VPS53: variants seen among roughly 807,000 people sequenced by gnomAD.
VPS53 encodes the protein vacuolar protein sorting-associated protein 53 homolog.
VPS53 carries 70 observed loss-of-function variants against 107.0 expected under a neutral mutation model. That is an observed-to-expected ratio of 0.65 (90% CI 0.54 to 0.80). The LOEUF (loss-of-function observed/expected upper bound fraction) is 0.80, where lower values mean the gene tolerates loss of function less well. Among genes scored for constraint, VPS53 ranks in the 30% least tolerant of loss-of-function variants. The pLI is 0.00. For synonymous variants in VPS53, 409 were observed against 393.3 expected, an observed-to-expected ratio of 1.04 and a Z score of -0.47; for missense variants, 917 against 1,049.4, an observed-to-expected ratio of 0.87 and a Z score of 1.74.
chr17:712,574 C>A (rs1487733915), intron 1 of VPS53, among the ~76,000 whole-genome samples: 2 of 152,084 alleles, frequency 1.3e-5, no homozygotes, highest in Non-Finnish European at 2.9e-5. Context: ...CATCACTACT[C>A]TTTACAAGTA....
chr17:598,793 C>G (rs1597363101), intron 12 of VPS53, among the ~76,000 whole-genome samples: 3 of 115,966 alleles, frequency 2.6e-5, no homozygotes, highest in African/African-American at 6.2e-5. Context: ...AGTGAGGAGC[C>G]TCTCTGCCCG....
intron 5 of VPS53, among the ~76,000 whole-genome samples, chr17:656,320 G>C (rs142266640): frequency 2.4e-4 from 36 of 152,266 alleles, no homozygotes; most frequent in Admixed American, 5.9e-4. Flanking sequence ...TGATGAAGCC[G>C]CTGGGCCATA....
At chr17:625,475 TAAAAA>T in intron 10 of VPS53, among the ~76,000 whole-genome samples, 1 of 136,418 alleles carries the variant, frequency 7.3e-6, no homozygotes, top group African/African-American at 2.8e-5. Flanking sequence ...CCCCATCTCT[TAAAAA>T]AAAAAAAAAA....
intron 7 of VPS53, among the ~76,000 whole-genome samples, chr17:648,195 C>T (rs1567706553): frequency 6.6e-6 from 1 of 152,218 alleles, no homozygotes; most frequent in Non-Finnish European, 1.5e-5. Flanking sequence ...TCCCATTTCT[C>T]GCCCACGAGC....
chr17:542,226 C>T (rs1480740827), intron 17 of VPS53, among the ~76,000 whole-genome samples: 2 of 152,186 alleles, frequency 1.3e-5, no homozygotes, highest in Non-Finnish European at 2.9e-5. Context: ...TATTACTCCT[C>T]TTTGTGAGTA....
intron 7 of VPS53, among the ~76,000 whole-genome samples, chr17:644,935 T>C (rs1245457135): frequency 6.6e-6 from 1 of 152,210 alleles, no homozygotes; most frequent in Non-Finnish European, 1.5e-5. Context: ...CACAAAATTA[T>C]TGCAAATAGA....
At chr17:571,468 G>GCTCTCCCTCTCCCTCTCCTTCTCC (rs1914050498) in intron 13 of VPS53, among the ~76,000 whole-genome samples, 1 of 111,004 alleles carries the variant, frequency 9.0e-6, no homozygotes. Context: ...ACAACAATGG[G>GCTCTCCCTCTCCCTCTCCTTCTCC]CTCTCCCTCT....
intron 7 of VPS53, among the ~76,000 whole-genome samples, chr17:644,952 G>A (rs568083889): frequency 2.4e-4 from 37 of 152,284 alleles, no homozygotes; most frequent in South Asian, 4.1e-4. Flanking sequence ...TAGAGATTGC[G>A]AAATGAACTA....
At position 661,835 on chromosome 17, in the gene VPS53, C is replaced by A; in HGVS notation, c.346G>T (p.Asp116Tyr). The A allele has an allele frequency of 6.4e-7, 1 of 1,552,196 alleles. No individual in the cohort carries two copies. Among genetic ancestry groups the A allele is most frequent in the Non-Finnish European group, 8.7e-7 (1 of 1,147,074 alleles). ...ATTTGCTCTGATTTTTCAGCTTTGT[C>A]TTTGATATCTTTGATTTTGCCAAAG... ...QLFGKIKDIKDKAEKSEQMVK... is the reference protein window; with the variant it reads ...QLFGKIKDIKYKAEKSEQMVK... Residue 116 changes from aspartate to tyrosine, a missense_variant, in exon 5 of 22, where the codon GAC becomes TAC. Asp to Tyr is a radical substitution (Grantham distance 160). Coordinates refer to ENST00000437048, the MANE Select transcript of VPS53 (RefSeq NM_001128159.3).
At chr17:660,622 T>C (rs1261265468) in intron 5 of VPS53, among the ~76,000 whole-genome samples, 2 of 146,340 alleles carry the variant, frequency 1.4e-5, no homozygotes, top group African/African-American at 5.0e-5. Flanking sequence ...TGCTGCTGGG[T>C]GTGGTGCACC....
At chr17:637,915 T>C (rs1297021787) in intron 7 of VPS53, among the ~76,000 whole-genome samples, 2 of 152,246 alleles carry the variant, frequency 1.3e-5, no homozygotes, top group Non-Finnish European at 2.9e-5. Context: ...TGGAGAGTTC[T>C]GTAGATGTCT....
chr17:605,686 A>T (rs1443279071), intron 11 of VPS53, among the ~76,000 whole-genome samples: 2 of 114,186 alleles, frequency 1.8e-5, no homozygotes, highest in Non-Finnish European at 3.5e-5. Flanking sequence ...CTGGGGTAAG[A>T]GGGGTGGCGG....
chr17:617,150 C>T (rs1969176005), intron 11 of VPS53, among the ~76,000 whole-genome samples: 2 of 152,304 alleles, frequency 1.3e-5, no homozygotes, highest in East Asian at 3.9e-4. Flanking sequence ...AGCCAGAGGC[C>T]GTGGGAGCTC....
intron 11 of VPS53, among the ~76,000 whole-genome samples, chr17:603,403 C>A (rs1968414651): frequency 6.6e-6 from 1 of 152,232 alleles, no homozygotes; most frequent in African/African-American, 2.4e-5. Flanking sequence ...GCCTGGGTGA[C>A]AAAGCGAGAC....
At chr17:551,282 C>T (rs901137671) in intron 17 of VPS53, among the ~76,000 whole-genome samples, 8 of 151,980 alleles carry the variant, frequency 5.3e-5, no homozygotes, top group Admixed American at 2.6e-4. Flanking sequence ...AATGATCCAT[C>T]TCAGCTGGGC....
chr17:659,009 C>A (rs951445361), intron 5 of VPS53, among the ~76,000 whole-genome samples: 1 of 151,572 alleles, frequency 6.6e-6, no homozygotes, highest in Admixed American at 6.6e-5. Context: ...CTCCTGTAAC[C>A]TCCAAACAAT....
intron 2 of VPS53, among the ~76,000 whole-genome samples, chr17:703,506 G>T (rs1303532379): frequency 6.6e-6 from 1 of 152,204 alleles, no homozygotes; most frequent in Non-Finnish European, 1.5e-5. Context: ...TCCTGGAGTT[G>T]GGGAAAAGCC....
At chr17:593,265 T>C (rs1188695567) in intron 12 of VPS53, among the ~76,000 whole-genome samples, 3 of 152,036 alleles carry the variant, frequency 2.0e-5, no homozygotes, top group South Asian at 2.1e-4. Context: ...ACTTCATGTC[T>C]AAAACACCAA....
chr17:681,840 G>A (rs1201773449), intron 4 of VPS53, among the ~76,000 whole-genome samples: 1 of 152,132 alleles, frequency 6.6e-6, no homozygotes, highest in Non-Finnish European at 1.5e-5. Context: ...GGGGCAAATG[G>A]CCATCCTTCA....
Sources: gnomAD v4.1 joint callset for allele counts (sites outside exome capture counted in the v4.1 genomes callset) on GRCh38, gnomAD v4.1.1 for gene constraint, MANE v1.5 for transcripts, NCBI Gene and HGNC (gene_info 2026-07-23, HGNC 2026-07-21) for gene names.